The following PCDHA10 variants were observed in gnomAD, a reference collection of about 807,000 sequenced individuals.
The protein encoded by PCDHA10 is protocadherin alpha 10, also known as protocadherin alpha-10.
In PCDHA10, 45 loss-of-function variants were observed where a neutral mutation model predicts 61.2. That is an observed-to-expected ratio of 0.74 (90% confidence interval 0.58 to 0.94). PCDHA10 has a LOEUF of 0.94. Among genes scored for constraint, PCDHA10 ranks in the 40% least tolerant of loss-of-function variants. The pLI, the probability that PCDHA10 is intolerant of heterozygous loss-of-function variation, is 0.00. For missense variants in PCDHA10, 1,278 were observed against 1,236.2 expected, an observed-to-expected ratio of 1.03 and a Z score of -0.51; for synonymous variants, 602 against 548.8, an observed-to-expected ratio of 1.10 and a Z score of -1.35.
intron 1 of PCDHA10, chr5:140,968,394 G>T: frequency 6.2e-7 from 1 of 1,613,940 alleles, no homozygotes; most frequent in Non-Finnish European, 8.5e-7. Context: ...GAGAAGTTTC[G>T]GGAGTTCTTT....
At chr5:140,964,840 C>G (rs1270845085) in intron 1 of PCDHA10, among the ~76,000 whole-genome samples, 1 of 152,152 alleles carries the variant, frequency 6.6e-6, no homozygotes, top group Non-Finnish European at 1.5e-5. Flanking sequence ...GCTTCCTACT[C>G]TGTACCCTTG....
intron 1 of PCDHA10, among the ~76,000 whole-genome samples, chr5:140,923,098 A>C (rs1003952878): frequency 5.9e-5 from 9 of 152,184 alleles, no homozygotes; most frequent in Non-Finnish European, 1.0e-4. Context: ...GACCAATGGG[A>C]GTATGATTTT....
At chr5:140,918,268 A>T (rs1554198508) in intron 1 of PCDHA10, among the ~76,000 whole-genome samples, 2 of 152,084 alleles carry the variant, frequency 1.3e-5, no homozygotes. Context: ...TGGAGGTTTT[A>T]TCAGATGTAG....
At chr5:140,992,038 TG>T (rs2097488764) in intron 3 of PCDHA10, among the ~76,000 whole-genome samples, 1 of 151,828 alleles carries the variant, frequency 6.6e-6, no homozygotes, top group African/African-American at 2.4e-5. Context: ...TGTGTGTGTG[TG>T]TGTGTGTGTG....
chr5:140,962,087 A>G (rs1284028102), intron 1 of PCDHA10, among the ~76,000 whole-genome samples: 10 of 151,912 alleles, frequency 6.6e-5, no homozygotes, highest in Non-Finnish European at 1.3e-4. Flanking sequence ...GGGTTTCACC[A>G]TGTTAGCCAG....
chr5:140,995,930 A>G (rs186484511), intron 3 of PCDHA10, among the ~76,000 whole-genome samples: 1 of 152,342 alleles, frequency 6.6e-6, no homozygotes, highest in Admixed American at 6.5e-5. Context: ...TGTTGTAAGT[A>G]TTAAATGACA....
Position 140,856,842 on chromosome 5 carries a change from C to T in PCDHA10, c.794C>T (p.Ala265Val), listed in dbSNP as rs782696740. The T allele has an allele frequency of 6.3e-7, 1 of 1,592,718 alleles. No individual in the cohort carries two copies. The highest frequency in any genetic ancestry group is 1.1e-5 in the South Asian group (1 of 90,484). The stretch of plus-strand genomic sequence containing the variant: ...CAAACATTAGTAATACGGCTCAACG[C>T]TTCTGATTCGGATGAAGGAATAAAC... ...VNQTLVIRLN[A>V]SDSDEGINKE... Residue 265 changes from alanine to valine, a missense_variant, in exon 1 of 4, where the codon GCT becomes GTT. Transcript: ENST00000307360.
rs1262836505 is a variant in PCDHA10 at position 141,012,081 on chromosome 5, T to C, written c.*2144T>C. The C allele has an allele frequency of 6.5e-6, 1 of 153,748 alleles. No individual in the cohort carries two copies. Among genetic ancestry groups the C allele is most frequent in the Non-Finnish European group, 1.5e-5 (1 of 68,042 alleles). 9.5% of individuals were successfully genotyped at this position (153,748 alleles called of 1,614,324 possible). On this transcript the variant is annotated 3_prime_UTR_variant, in exon 4 of 4. Transcript: ENST00000307360. Reference sequence around the variant, plus strand: ...CAACACATGTGAACCATTGCTACATTGTAGGTTGTGATCATTTTGCCCCAC... The same window carrying C: ...CAACACATGTGAACCATTGCTACATCGTAGGTTGTGATCATTTTGCCCCAC...
At chr5:140,897,762 A>G (rs572488219) in intron 1 of PCDHA10, among the ~76,000 whole-genome samples, 1 of 152,324 alleles carries the variant, frequency 6.6e-6, no homozygotes, top group East Asian at 1.9e-4. Flanking sequence ...AGGAATCGCC[A>G]CACTGACTTC....
intron 1 of PCDHA10, chr5:140,883,246 AAATATTCCAATGGCGGG>A: frequency 6.2e-7 from 1 of 1,614,082 alleles, no homozygotes; most frequent in Admixed American, 1.7e-5. Context: ...TTGACAAAGG[AAATATTCCAATGGCGGG>A]TCATTGTACC....
intron 1 of PCDHA10, among the ~76,000 whole-genome samples, chr5:140,872,773 C>CTA (rs1354761914): frequency 6.6e-6 from 1 of 152,078 alleles, no homozygotes; most frequent in Non-Finnish European, 1.5e-5. Context: ...GCTATATTAT[C>CTA]TATAATATAT....
chr5:140,897,947 T>G (rs1276045551), intron 1 of PCDHA10, among the ~76,000 whole-genome samples: 14 of 152,168 alleles, frequency 9.2e-5, no homozygotes, highest in African/African-American at 3.4e-4. Context: ...CAGTGATGAT[T>G]AGCATTTTTT....
rs146090059 is a variant in PCDHA10 at position 140,857,944 on chromosome 5, G to A, written c.1896G>A (p.Thr632=). 6.4e-5 allele frequency: 102 copies of A among 1,597,474 alleles called. 12 individuals are homozygous for A. The highest frequency in any genetic ancestry group is 5.1e-4 in the Admixed American group (30 of 59,248). ...RVGLYTGEIS[T]TRALDETDSP... ...GGCTGTACACGGGCGAGATCAGTAC[G>A]ACGCGCGCTCTGGATGAGACTGACT... The change falls in exon 1 of 4, where the codon ACG becomes ACA. Residue 632 remains threonine (T), a synonymous_variant. Coordinates refer to ENST00000307360, the MANE Select transcript of PCDHA10 (RefSeq NM_018901.4).
intron 1 of PCDHA10, chr5:140,884,544 G>A (rs1554181708): frequency 6.2e-7 from 1 of 1,614,222 alleles, no homozygotes; most frequent in East Asian, 2.2e-5. Flanking sequence ...CCGAGGGTGT[G>A]CTCTGGGGAG....
intron 2 of PCDHA10, among the ~76,000 whole-genome samples, chr5:140,982,104 G>A (rs1280175443): frequency 6.6e-6 from 1 of 152,256 alleles, no homozygotes; most frequent in Non-Finnish European, 1.5e-5. Flanking sequence ...GAACCTGCAA[G>A]AGAGGCTTGG....
intron 1 of PCDHA10, among the ~76,000 whole-genome samples, chr5:140,963,606 G>A (rs79307503): frequency 0.011 from 1,749 of 152,250 alleles, 32 homozygotes; most frequent in African/African-American, 0.039. Context: ...AGACGTAATT[G>A]GGAAAGCTTA....
At chr5:140,920,133 C>T (rs1463322279) in intron 1 of PCDHA10, among the ~76,000 whole-genome samples, 1 of 152,178 alleles carries the variant, frequency 6.6e-6, no homozygotes, top group African/African-American at 2.4e-5. Flanking sequence ...AGTTTTAATT[C>T]TCCTCTCCAA....
At chr5:140,884,152 T>G (rs1279761986) in intron 1 of PCDHA10, 7 of 1,613,332 alleles carry the variant, frequency 4.3e-6, no homozygotes, top group East Asian at 2.2e-5. Context: ...GGCTGTACAC[T>G]GGCGAGATCA....
At chr5:140,918,302 G>A (rs1382712359) in intron 1 of PCDHA10, among the ~76,000 whole-genome samples, 1 of 152,048 alleles carries the variant, frequency 6.6e-6, no homozygotes, top group African/African-American at 2.4e-5. Context: ...GAGAATATAG[G>A]GTTTTCTAGG....
Sources: gnomAD v4.1 joint callset for allele counts (sites outside exome capture counted in the v4.1 genomes callset) on GRCh38, gnomAD v4.1.1 for gene constraint, MANE v1.5 for transcripts, NCBI Gene and HGNC (gene_info 2026-07-23, HGNC 2026-07-21) for gene names.